VWF: variants seen among roughly 807,000 people sequenced by gnomAD.
The protein encoded by VWF is Factor VIII related antigen.
A neutral mutation model predicts 308.6 loss-of-function variants in VWF; 176 were observed. That is an observed-to-expected ratio of 0.57 (90% CI 0.50 to 0.65). The LOEUF (loss-of-function observed/expected upper bound fraction) is 0.65. Among genes scored for constraint, VWF ranks in the 30% least tolerant of loss-of-function variants. The pLI is 0.00. For synonymous variants in VWF, 1,385 were observed against 1,443.4 expected (o/e 0.96, Z 0.92); for missense variants, 3,146 against 3,648.2 (o/e 0.86, Z 3.55).
chr12:6,066,505 T>G (rs1006098340), intron 10 of VWF, among the ~76,000 whole-genome samples: 1 of 152,216 alleles, frequency 6.6e-6, no homozygotes, highest in African/African-American at 2.4e-5. Flanking sequence ...TCTCTAAGGA[T>G]CAAAGCAAAG....
Position 5,969,369 on chromosome 12 carries a change from G to C in VWF, c.7571C>G (p.Pro2524Arg). 1.2e-6 allele frequency: 2 copies of C among 1,614,196 alleles called. No individual in the cohort carries two copies. The highest frequency in any genetic ancestry group is 1.7e-6 in the Non-Finnish European group (2 of 1,180,036). Residue 2524 changes from proline to arginine, a missense_variant, in exon 45 of 52, where the codon CCG (proline) becomes CGG (arginine). Coordinates refer to ENST00000261405, the MANE Select transcript of VWF (RefSeq NM_000552.5). ...CTCATTGATGAGGCAGGGGTTCTCC[G>C]GGGAGGCCCACTGGGAGCCGACCTG... ...WKSVGSQWAS[P>R]ENPCLINECV...
intron 6 of VWF, among the ~76,000 whole-genome samples, chr12:6,077,263 T>C (rs1168041152): frequency 6.6e-6 from 1 of 152,126 alleles, no homozygotes; most frequent in Non-Finnish European, 1.5e-5. Flanking sequence ...TAAAGTGAGC[T>C]GAGATTGTGC....
chr12:6,016,601 G>A lies in VWF; in HGVS notation c.5226C>T (p.Asp1742=), dbSNP rs748715084. The A allele has an allele frequency of 5.6e-6, 9 of 1,614,078 alleles. No homozygotes were observed. In the East Asian group the frequency reaches 8.9e-5, roughly 16 times the overall value. ...TCTCCGGGACCACGTTCCATGGCAC[G>A]TCAATGGTGGTGATGCTTCCATACT... ...VLQYGSITTI[D]VPWNVVPEKA... The change falls in exon 30 of 52, where the codon GAC becomes GAT. Residue 1742 remains aspartate (D), a synonymous_variant. Transcript: ENST00000261405.
chr12:6,025,846 C>G, intron 23 of VWF, 60 bp downstream of exon 23: 1 of 1,612,934 alleles, frequency 6.2e-7, no homozygotes, highest in Admixed American at 1.7e-5. Context: ...ACAATGGGGA[C>G]AGAGGGACAT....
rs1359821478 is a variant in VWF, at chr12:6,019,006, G to C, written c.4412C>G (p.Pro1471Arg). Residue 1471 changes from proline (P) to arginine (R), a missense_variant, in exon 28 of 52, where the codon CCC becomes CGC. Physicochemically the swap from Pro to Arg is moderately radical, Grantham distance 103. This residue lies in a region of VWF where 853 missense variants were observed against 1,177.8 expected (regional missense o/e 0.72). Coordinates refer to ENST00000261405, the MANE Select transcript of VWF (RefSeq NM_000552.5). The surrounding 1 kb of genome is among the most constrained non-coding windows in gnomAD (Gnocchi z 5.8). ...APEAPPPTLP[P>R]DMAQVTVGPG... is the part of the protein sequence containing the mutation. ...GCCCACAGTGACTTGTGCCATGTCG[G>C]GGGGCAGAGTAGGAGGAGGGGCTTC... 1.9e-6 allele frequency: 3 copies of C among 1,613,942 alleles called. No homozygotes were observed. Among genetic ancestry groups the C allele is most frequent in the South Asian group, 1.1e-5 (1 of 91,070 alleles).
At chr12:6,106,508 A>C (rs758110421) in intron 5 of VWF, among the ~76,000 whole-genome samples, 1 of 152,200 alleles carries the variant, frequency 6.6e-6, no homozygotes, top group African/African-American at 2.4e-5. Context: ...CTGGAGATGG[A>C]TGGTGGTGAT....
At chr12:6,106,875 C>CAAAAAAAAAAAAAAAAAAAAAAAAAAA (rs201177758) in intron 5 of VWF, among the ~76,000 whole-genome samples, 1 of 34,812 alleles carries the variant, frequency 2.9e-5, no homozygotes, top group African/African-American at 9.9e-5. Context: ...AACTCCGACT[C>CAAAAAAAAAAAAAAAAAAAAAAAAAAA]AAAAAAAAAA....
intron 35 of VWF, 129 bp from the exon 36 acceptor site, chr12:5,994,736 T>C: frequency 5.0e-6 from 4 of 799,760 alleles, no homozygotes; most frequent in East Asian, 2.6e-5. Context: ...CCTTGATATT[T>C]GTCGGCAGCT....
rs533568072 is a variant in VWF, at chr12:5,981,915, G to C, written c.7158C>G (p.Thr2386=). The change falls in exon 42 of 52, where the codon ACC becomes ACG. Residue 2386 remains threonine (T), a synonymous_variant. Transcript: ENST00000261405. ...CACACTCATACTCATCACAGCACTG[G>C]GTCTTCCGAAGGGTGGGCAAACGGT... ...PPHRLPTLRK[T]QCCDEYECAC... is the part of the protein sequence containing the mutation. The C allele has an allele frequency of 1.9e-6, 3 of 1,613,852 alleles. No individual in the cohort carries two copies. The highest frequency in any genetic ancestry group is 1.6e-4 in the Middle Eastern group (1 of 6,062).
chr12:6,037,423 T>TC (rs1944349109), intron 18 of VWF, among the ~76,000 whole-genome samples: 1 of 152,172 alleles, frequency 6.6e-6, no homozygotes, highest in African/African-American at 2.4e-5. Context: ...GTCTCCCGTA[T>TC]CCCGGTTCAC....
At chr12:6,086,989 G>A (rs911164366) in intron 6 of VWF, among the ~76,000 whole-genome samples, 6 of 152,138 alleles carry the variant, frequency 3.9e-5, no homozygotes, top group African/African-American at 1.2e-4. Context: ...CAGAGGAGGC[G>A]GAAAGAGTTC....
At chr12:6,000,927 A>T (rs564991785) in intron 34 of VWF, among the ~76,000 whole-genome samples, 8 of 152,204 alleles carry the variant, frequency 5.3e-5, no homozygotes, top group Non-Finnish European at 1.0e-4. Context: ...ATATAGTCAT[A>T]GATCTAAAAC....
In VWF at chr12:5,991,859, G is replaced by T; in HGVS notation, c.6758C>A (p.Ala2253Asp). Residue 2253 changes from alanine to aspartate, a missense_variant, in exon 38 of 52, where the codon GCC (alanine) becomes GAC (aspartate). Ala to Asp is a moderately radical substitution (Grantham distance 126). Coordinates refer to ENST00000261405, the MANE Select transcript of VWF (RefSeq NM_000552.5). ...MLEGSCVPEE[A>D]CTQCIGEDGV... ...ATCCTCACCAATGCACTGAGTGCAG[G>T]CCTCTTCAGGGACACAGCTGCCTTC... 1 of 1,614,222 alleles carries T rather than the reference G, an allele frequency of 6.2e-7. No homozygotes were observed. Among genetic ancestry groups the T allele is most frequent in the Non-Finnish European group, 8.5e-7 (1 of 1,180,044 alleles).
chr12:6,056,662 C>T (rs1348897801), intron 15 of VWF, among the ~76,000 whole-genome samples, 195 bp downstream of exon 15: 9 of 152,190 alleles, frequency 5.9e-5, no homozygotes, highest in Non-Finnish European at 1.5e-5. Flanking sequence ...AATCATCAGC[C>T]GGTCCCCACC....
chr12:6,105,511 C>T (rs1237246662), intron 5 of VWF, among the ~76,000 whole-genome samples: 1 of 152,126 alleles, frequency 6.6e-6, no homozygotes, highest in African/African-American at 2.4e-5. Flanking sequence ...TACAGGATTA[C>T]AGGCGTGGGC....
Position 6,057,311 on chromosome 12 carries a change from A to ATTTTTTTTTTTTTTTTTT in VWF, c.1730-257_1730-240dup, listed in dbSNP as rs1250165048. ...AAGGTCGAAGGACGGGGACTATGGA[A>ATTTTTTTTTTTTTTTTTT]TTTTTTTTTTTTTTTTTTGGAGAGA... On this transcript the variant is annotated intron_variant, in intron 14 of 51. Coordinates refer to ENST00000261405, the MANE Select transcript of VWF (RefSeq NM_000552.5). 2.9e-4 allele frequency among the ~76,000 whole-genome samples: 37 copies of ATTTTTTTTTTTTTTTTTT among 129,384 alleles called. 1 individual carries two copies. Among genetic ancestry groups the ATTTTTTTTTTTTTTTTTT allele is most frequent in the Non-Finnish European group, 4.2e-4 (26 of 62,014 alleles). 84.9% of individuals were successfully genotyped at this position (129,384 alleles called of 152,430 possible).
At chr12:6,000,811 C>CAAAAAAAA (rs71064181) in intron 34 of VWF, among the ~76,000 whole-genome samples, 2 of 69,802 alleles carry the variant, frequency 2.9e-5, no homozygotes, top group Non-Finnish European at 2.6e-5. Flanking sequence ...GACTCTGTCT[C>CAAAAAAAA]AAAAAAAAAA....
At chr12:5,959,116 A>T (rs1331466148) in intron 47 of VWF, among the ~76,000 whole-genome samples, 2 of 152,166 alleles carry the variant, frequency 1.3e-5, no homozygotes, top group African/African-American at 4.8e-5. Context: ...CTGAGGTGGG[A>T]GAATCACCTG....
At chr12:5,990,868 T>TAAAAAAAAAA (rs755717764) in intron 38 of VWF, among the ~76,000 whole-genome samples, 29 of 31,456 alleles carry the variant, frequency 9.2e-4, no homozygotes, top group Non-Finnish European at 1.3e-3. Context: ...CCCATAGAGC[T>TAAAAAAAAAA]AAAAAAAAAA....
Sources: gnomAD v4.1 joint callset for allele counts (sites outside exome capture counted in the v4.1 genomes callset) on GRCh38, gnomAD v4.1.1 for gene constraint, gnomAD v4.1.1 regional missense constraint, Gnocchi (gnomAD v3.1) non-coding constraint, MANE v1.5 for transcripts, NCBI Gene and HGNC (gene_info 2026-07-23, HGNC 2026-07-21) for gene names.